Variants in CALN1 observed in about 807,000 individuals in gnomAD.
The protein encoded by CALN1 is calneuron 1.
CALN1 carries 17 observed loss-of-function variants against 30.6 expected under a neutral mutation model. The observed-to-expected ratio is 0.56, with a 90% CI of 0.38 to 0.83. CALN1 has a LOEUF of 0.83. Ranked by LOEUF, CALN1 falls within the 40% of genes least tolerant of loss-of-function variation. The pLI, the probability that CALN1 is intolerant of heterozygous loss-of-function variation, is 0.00. For synonymous variants in CALN1, 156 were observed against 131.4 expected (o/e 1.19, Z -1.28); for missense variants, 291 against 354.9 (o/e 0.82, Z 1.45).
At chr7:72,248,471 C>CAGCA (rs1562793032) in intron 3 of CALN1, among the ~76,000 whole-genome samples, 1 of 152,174 alleles carries the variant, frequency 6.6e-6, no homozygotes, top group Non-Finnish European at 1.5e-5. Flanking sequence ...TCTTCAAAGT[C>CAGCA]AGCAATGCAG....
intron 5 of CALN1, among the ~76,000 whole-genome samples, chr7:71,836,679 C>G (rs957078281): frequency 6.8e-6 from 1 of 146,114 alleles, no homozygotes; most frequent in East Asian, 2.1e-4. Flanking sequence ...AGTGCAGTGG[C>G]GGATCCTGGC....
At chr7:72,304,524 TTGGAG>T (rs1799515331) in intron 2 of CALN1, among the ~76,000 whole-genome samples, 1 of 152,202 alleles carries the variant, frequency 6.6e-6, no homozygotes, top group Non-Finnish European at 1.5e-5. Context: ...AGCACTTTAC[TTGGAG>T]TGATTTCATC....
intron 3 of CALN1, among the ~76,000 whole-genome samples, chr7:72,188,969 C>T (rs983680602): frequency 6.6e-6 from 1 of 152,160 alleles, no homozygotes; most frequent in African/African-American, 2.4e-5. Context: ...ACTAAGCCTT[C>T]CTCCTACGAG....
At chr7:72,101,086 C>T (rs774488131) in intron 4 of CALN1, among the ~76,000 whole-genome samples, 2 of 151,838 alleles carry the variant, frequency 1.3e-5, no homozygotes, top group South Asian at 2.1e-4. Context: ...GCCTTAGCCT[C>T]CCGAGTAGCT....
chr7:72,275,162 C>T (rs1403738035), intron 3 of CALN1, among the ~76,000 whole-genome samples: 1 of 151,908 alleles, frequency 6.6e-6, no homozygotes, highest in East Asian at 1.9e-4. Flanking sequence ...AGGATAGCAC[C>T]CAACTAATGC....
intron 2 of CALN1, among the ~76,000 whole-genome samples, chr7:72,349,573 A>G (rs1281676869): frequency 1.3e-5 from 2 of 152,238 alleles, no homozygotes; most frequent in East Asian, 3.8e-4. Flanking sequence ...AACTTCTTTT[A>G]AGGAACAATA....
intron 5 of CALN1, among the ~76,000 whole-genome samples, chr7:71,887,488 T>C (rs1792981712): frequency 6.6e-6 from 1 of 152,036 alleles, no homozygotes; most frequent in South Asian, 2.1e-4. Context: ...AGAGACGGGG[T>C]TTCTCCATGT....
intron 3 of CALN1, among the ~76,000 whole-genome samples, chr7:72,217,980 C>G (rs1792966257): frequency 6.6e-6 from 1 of 150,902 alleles, no homozygotes; most frequent in Non-Finnish European, 1.5e-5. Flanking sequence ...GTAGCTGGGA[C>G]TACAGGTGCC....
intron 5 of CALN1, among the ~76,000 whole-genome samples, chr7:71,970,376 T>C (rs1218661618): frequency 1.3e-5 from 2 of 152,172 alleles, no homozygotes; most frequent in Non-Finnish European, 2.9e-5. Context: ...AACTAACTTA[T>C]TCTGACTAAG....
At chr7:72,483,920 A>G in the CALN1 span, among the ~76,000 whole-genome samples, 5 of 151,890 alleles carry the variant, frequency 3.3e-5, no homozygotes, top group Admixed American at 2.0e-4. Context: ...TTCATTTCTG[A>G]AAATTTGGTT....
At chr7:72,257,216 C>T (rs1029315130) in intron 3 of CALN1, among the ~76,000 whole-genome samples, 7 of 152,078 alleles carry the variant, frequency 4.6e-5, no homozygotes, top group South Asian at 2.1e-4. Flanking sequence ...TGGGGGAATC[C>T]GCCCCCATTA....
intron 3 of CALN1, among the ~76,000 whole-genome samples, chr7:72,226,357 C>A (rs750875756): frequency 7.9e-5 from 12 of 151,896 alleles, no homozygotes; most frequent in Non-Finnish European, 1.3e-4. Context: ...GCTAACTCTG[C>A]CTACCTGGCA....
chr7:72,371,966 A>G (rs894489401), intron 2 of CALN1, among the ~76,000 whole-genome samples: 1 of 152,298 alleles, frequency 6.6e-6, no homozygotes, highest in South Asian at 2.1e-4. Context: ...AAAATTCACT[A>G]AACAACCAAA....
At chr7:72,258,897 TAA>T (rs796340783) in intron 3 of CALN1, among the ~76,000 whole-genome samples, 4 of 132,678 alleles carry the variant, frequency 3.0e-5, no homozygotes, top group Admixed American at 7.7e-5. Context: ...TACTAAAAAG[TAA>T]AAAAAAAAAA....
intron 3 of CALN1, among the ~76,000 whole-genome samples, chr7:72,218,381 G>C (rs535801450): frequency 5.9e-4 from 90 of 152,158 alleles, no homozygotes; most frequent in African/African-American, 1.5e-3. Context: ...CCAGCAGGAG[G>C]AGGTTGCAGT....
At position 72,122,534 on chromosome 7, in the gene CALN1, C is replaced by T. The variant is rs145618070; in HGVS notation, c.245-16240G>A. ...TGAGGATGACTTGAGGCCAGGAGTTCGAGACTAACCTGGGCAACTATCTCT... is the reference window on the plus strand; with the variant it reads ...TGAGGATGACTTGAGGCCAGGAGTTTGAGACTAACCTGGGCAACTATCTCT... On this transcript the variant is annotated intron_variant, in intron 3 of 6. Coordinates refer to ENST00000395275, the MANE Select transcript of CALN1 (RefSeq NM_031468.4). Among the ~76,000 whole-genome samples, 280 of 152,076 alleles carry T rather than the reference C, an allele frequency of 1.8e-3. 1 individual carries two copies. Among genetic ancestry groups the T allele is most frequent in the Middle Eastern group, 3.4e-3 (1 of 294 alleles).
At chr7:72,434,261 T>C (rs1169126308) in intron 1 of CALN1, among the ~76,000 whole-genome samples, 2 of 149,822 alleles carry the variant, frequency 1.3e-5, no homozygotes, top group East Asian at 4.0e-4. Flanking sequence ...CCAGCACTTT[T>C]GGAGGCCAAG....
chr7:72,306,103 A>G (rs1027662561), intron 2 of CALN1, among the ~76,000 whole-genome samples: 79 of 152,320 alleles, frequency 5.2e-4, no homozygotes, highest in African/African-American at 1.8e-3. Context: ...CTAACCTTGT[A>G]TATCATGACT....
At chr7:72,033,392 T>G (rs1363983579) in intron 4 of CALN1, among the ~76,000 whole-genome samples, 1 of 152,166 alleles carries the variant, frequency 6.6e-6, no homozygotes, top group Non-Finnish European at 1.5e-5. Flanking sequence ...CCATTCAAAT[T>G]AGTTGATGAA....
Sources: gnomAD v4.1 joint callset for allele counts (sites outside exome capture counted in the v4.1 genomes callset) on GRCh38, gnomAD v4.1.1 for gene constraint, MANE v1.5 for transcripts, NCBI Gene and HGNC (gene_info 2026-07-23, HGNC 2026-07-21) for gene names.